Variants in KIAA1217 observed in about 807,000 individuals in gnomAD.
KIAA1217 encodes the protein sickle tail protein homolog.
KIAA1217 carries 88 observed loss-of-function variants against 163.9 expected under a neutral mutation model. That is an observed-to-expected ratio of 0.54 (90% CI 0.45 to 0.64). The LOEUF is 0.64. Among genes scored for constraint, KIAA1217 ranks in the 30% least tolerant of loss-of-function variants. KIAA1217 has a pLI of 0.00. For missense variants in KIAA1217, 2,372 were observed against 2,475.0 expected (o/e 0.96, Z 0.88); for synonymous variants, 903 against 923.1 (o/e 0.98, Z 0.39).
chr10:23,707,375 T>C (rs1409835928), intron 1 of KIAA1217, among the ~76,000 whole-genome samples: 1 of 152,164 alleles, frequency 6.6e-6, no homozygotes, highest in Non-Finnish European at 1.5e-5. Flanking sequence ...CCAGGCTACC[T>C]GCGGCCTGGA....
In KIAA1217 at chr10:24,334,438, TGGAAGGAAGGAAGGAAGGAAGGAAGGAA is replaced by T. The variant is rs60016533; in HGVS notation, c.355-46410_355-46383del. Reference sequence around the variant, plus strand: ...GAGGGGTGGAGGAGGGAGGGAAGGATGGAAGGAAGGAAGGAAGGAAGGAAGGAAGGAAGGAAGGAAGGAAGGAACTTAC... The same window carrying T: ...GAGGGGTGGAGGAGGGAGGGAAGGATGGAAGGAAGGAAGGAAGGAACTTAC... On this transcript the variant is annotated intron_variant, in intron 2 of 20. Transcript: ENST00000376454. 1.1e-3 allele frequency among the ~76,000 whole-genome samples: 89 copies of T among 82,286 alleles called. 1 individual carries two copies. The highest frequency in any genetic ancestry group is 3.0e-3 in the African/African-American group (86 of 28,456). 54.0% of individuals were successfully genotyped at this position (82,286 alleles called of 152,430 possible).
intron 6 of KIAA1217, among the ~76,000 whole-genome samples, chr10:24,489,076 A>C (rs973707623): frequency 6.6e-6 from 1 of 152,106 alleles, no homozygotes; most frequent in African/African-American, 2.4e-5. Context: ...ACAAAGAAAA[A>C]AATTGCAAAA....
chr10:24,427,141 A>G lies in KIAA1217; in HGVS notation c.554-5854A>G, dbSNP rs143859777. On this transcript the variant is annotated intron_variant, in intron 3 of 20. Transcript: ENST00000376454. Reference sequence around the variant, plus strand: ...GTTCAGGCTTCTCAGGGGGACACTGAGCATTGCAAGGTTCATATCGACACT... The same window carrying G: ...GTTCAGGCTTCTCAGGGGGACACTGGGCATTGCAAGGTTCATATCGACACT... Among the ~76,000 whole-genome samples, 598 of 152,196 alleles carry G rather than the reference A, an allele frequency of 3.9e-3. 3 individuals are homozygous for G. The highest frequency in any genetic ancestry group is 6.7e-3 in the Non-Finnish European group (459 of 68,024).
At chr10:24,115,740 G>T (rs2063025604) in intron 2 of KIAA1217, among the ~76,000 whole-genome samples, 1 of 152,214 alleles carries the variant, frequency 6.6e-6, no homozygotes, top group African/African-American at 2.4e-5. Context: ...TCATGCTTTT[G>T]CATGGCGCCA....
At chr10:24,426,979 C>T (rs1018575779) in intron 3 of KIAA1217, among the ~76,000 whole-genome samples, 17 of 152,242 alleles carry the variant, frequency 1.1e-4, no homozygotes, top group South Asian at 4.2e-4. Context: ...GATTCTGAGA[C>T]GCAAAAGATA....
intron 2 of KIAA1217, among the ~76,000 whole-genome samples, chr10:24,170,871 A>AT (rs1233182149): frequency 1.4e-4 from 22 of 152,350 alleles, no homozygotes; most frequent in Admixed American, 1.4e-3. Flanking sequence ...GGGGGCCCAC[A>AT]TCCTGTGGGT....
chr10:24,153,980 C>T (rs1253090048), intron 2 of KIAA1217, among the ~76,000 whole-genome samples: 1 of 145,614 alleles, frequency 6.9e-6, no homozygotes, highest in African/African-American at 2.6e-5. Flanking sequence ...TTTTTTGAGA[C>T]GGAGTCTCGC....
chr10:23,938,220 G>A (rs957877339), intron 1 of KIAA1217, among the ~76,000 whole-genome samples: 4 of 152,130 alleles, frequency 2.6e-5, no homozygotes, highest in African/African-American at 7.2e-5. Flanking sequence ...AGGCAAAATA[G>A]GAATGTGTCA....
intron 2 of KIAA1217, among the ~76,000 whole-genome samples, chr10:24,303,355 G>A (rs892010825): frequency 6.6e-6 from 1 of 152,066 alleles, no homozygotes; most frequent in African/African-American, 2.4e-5. Context: ...CTTAGTTAAA[G>A]CAGTCTGTAG....
intron 2 of KIAA1217, among the ~76,000 whole-genome samples, chr10:24,125,363 T>TGA (rs1554877126): frequency 3.4e-4 from 50 of 147,420 alleles, no homozygotes; most frequent in African/African-American, 1.1e-3. Flanking sequence ...TGTGTGTGTG[T>TGA]GAATAGGCTT....
intron 1 of KIAA1217, among the ~76,000 whole-genome samples, chr10:23,854,865 T>G (rs1839565776): frequency 1.3e-5 from 2 of 152,228 alleles, no homozygotes; most frequent in African/African-American, 4.8e-5. Context: ...TCCATTTGCT[T>G]GGTAGATCTT....
At chr10:24,422,092 A>G (rs2131561995) in intron 3 of KIAA1217, among the ~76,000 whole-genome samples, 1 of 152,246 alleles carries the variant, frequency 6.6e-6, no homozygotes, top group South Asian at 2.1e-4. Flanking sequence ...GCAAAGAGAG[A>G]GCTTGTGTAG....
At chr10:24,195,704 C>T (rs2066952888) in intron 2 of KIAA1217, among the ~76,000 whole-genome samples, 2 of 152,166 alleles carry the variant, frequency 1.3e-5, no homozygotes, top group Admixed American at 6.5e-5. Context: ...AAGGAAGTGG[C>T]TCTGGGGAGA....
At chr10:23,848,858 T>A (rs1247470936) in intron 1 of KIAA1217, among the ~76,000 whole-genome samples, 3 of 152,130 alleles carry the variant, frequency 2.0e-5, no homozygotes, top group African/African-American at 7.2e-5. Context: ...ATGTTGACAT[T>A]GTGACTGCAG....
chr10:23,841,203 G>T (rs375082350), intron 1 of KIAA1217, among the ~76,000 whole-genome samples: 10 of 152,262 alleles, frequency 6.6e-5, no homozygotes, highest in Middle Eastern at 6.8e-3. Context: ...CTATGAAAAA[G>T]TGATGTTTTC....
At chr10:23,917,334 G>C (rs1005112094) in intron 1 of KIAA1217, among the ~76,000 whole-genome samples, 3 of 152,158 alleles carry the variant, frequency 2.0e-5, no homozygotes, top group African/African-American at 7.2e-5. Flanking sequence ...TCAGTCCAGA[G>C]AGCTTCTAGG....
At chr10:24,059,310 TTCA>T (rs2060634128) in intron 2 of KIAA1217, among the ~76,000 whole-genome samples, 2 of 152,186 alleles carry the variant, frequency 1.3e-5, no homozygotes, top group South Asian at 4.1e-4. Context: ...TTTATCTATG[TTCA>T]TCAATAATAT....
chr10:24,029,041 G>C (rs775923186), intron 2 of KIAA1217, among the ~76,000 whole-genome samples: 1 of 152,146 alleles, frequency 6.6e-6, no homozygotes, highest in Non-Finnish European at 1.5e-5. Context: ...GCCAAGGGCT[G>C]TGCAATAACA....
At position 24,473,638 on chromosome 10, in the gene KIAA1217, C is replaced by G; in HGVS notation, c.1257C>G (p.Asp419Glu). Reference protein sequence around the residue: ...SHGGHPLDVPDHIIAYHRTAI... With the variant: ...SHGGHPLDVPEHIIAYHRTAI... ...GTGGACACCCACTGGATGTCCCCGA[C>G]CACATCATTGCATATCACCGCACCG... The change falls in exon 6 of 21, where the codon GAC becomes GAG. Residue 419 changes from aspartate to glutamate, a missense_variant. Around this residue, in one of 3 missense-constraint regions of KIAA1217, gnomAD observed 1,431 missense variants for 1,470.3 expected, o/e 0.97. Coordinates refer to ENST00000376454, the MANE Select transcript of KIAA1217 (RefSeq NM_019590.5). 6.2e-7 allele frequency: 1 copy of G among 1,614,156 alleles called. No individual in the cohort carries two copies. Among genetic ancestry groups the G allele is most frequent in the South Asian group, 1.1e-5 (1 of 91,088 alleles).
Sources: allele counts gnomAD v4.1 joint callset (sites outside exome capture counted in the v4.1 genomes callset), GRCh38; gene constraint gnomAD v4.1.1; regional missense constraint gnomAD v4.1.1; transcripts MANE v1.5; gene names NCBI Gene and HGNC (gene_info 2026-07-23, HGNC 2026-07-21).